BCAR3: variants seen among roughly 807,000 people sequenced by gnomAD.
BCAR3 encodes breast cancer anti-estrogen resistance protein 3.
A neutral mutation model predicts 80.1 loss-of-function variants in BCAR3; 37 were observed. That is an observed-to-expected ratio of 0.46 (90% CI 0.36 to 0.61). BCAR3 has a LOEUF of 0.61. BCAR3 is among the 20% of genes least tolerant of loss of function. The pLI is 0.00. For synonymous variants in BCAR3, 389 were observed against 418.9 expected (o/e 0.93, Z 0.87); for missense variants, 978 against 1,068.2 (o/e 0.92, Z 1.18).
chr1:93,809,926 T>C (rs933281937), intron 2 of BCAR3, among the ~76,000 whole-genome samples: 7 of 151,764 alleles, frequency 4.6e-5, no homozygotes, highest in Non-Finnish European at 8.8e-5. Flanking sequence ...GCTGGCCCGA[T>C]GCGGTGGCTC....
intron 2 of BCAR3, among the ~76,000 whole-genome samples, chr1:93,722,419 AGC>A (rs1246794422): frequency 1.3e-5 from 2 of 152,224 alleles, no homozygotes; most frequent in Non-Finnish European, 2.9e-5. Context: ...AGATAGCCAC[AGC>A]TGACCCGCCA....
chr1:93,648,432 G>A (rs887488914), intron 2 of BCAR3, among the ~76,000 whole-genome samples: 1 of 152,164 alleles, frequency 6.6e-6, no homozygotes, highest in Non-Finnish European at 1.5e-5. Context: ...CTTCAACGAG[G>A]TTTGACTGAA....
intron 2 of BCAR3, among the ~76,000 whole-genome samples, chr1:93,643,805 G>A (rs939833984): frequency 2.0e-5 from 3 of 152,068 alleles, no homozygotes; most frequent in Non-Finnish European, 4.4e-5. Flanking sequence ...AAACAAAAAA[G>A]TGGATAACTA....
intron 2 of BCAR3, among the ~76,000 whole-genome samples, chr1:93,802,734 CA>C (rs1653525774): frequency 6.6e-6 from 1 of 152,222 alleles, no homozygotes; most frequent in African/African-American, 2.4e-5. Context: ...GTGGAAACTT[CA>C]GACAATTTTT....
rs76733936 is a variant in BCAR3, at chr1:93,672,490, G to C, written c.317+2124C>G. ...ATGAAAAGCGGTCCACCATAAGCCA[G>C]CTAACAGTTGGTTCTGACTCCGTAT... is the stretch of plus-strand genomic sequence containing the variant. On this transcript the variant is annotated intron_variant, in intron 2 of 11. Transcript: ENST00000260502. 1.3e-3 allele frequency among the ~76,000 whole-genome samples: 198 copies of C among 152,304 alleles called. 4 individuals carry two copies. In the East Asian group the frequency reaches 0.033, roughly 25 times the overall value.
intron 9 of BCAR3, among the ~76,000 whole-genome samples, chr1:93,570,343 G>C (rs1014667223): frequency 6.6e-6 from 1 of 152,162 alleles, no homozygotes; most frequent in Non-Finnish European, 1.5e-5. Context: ...CAGCCAAGCC[G>C]AGTGACCAGC....
chr1:93,604,740 A>C (rs139668224), intron 3 of BCAR3, among the ~76,000 whole-genome samples: 50 of 152,352 alleles, frequency 3.3e-4, no homozygotes, highest in African/African-American at 1.2e-3. Flanking sequence ...CAAGGGACTG[A>C]AAATTATTTC....
intron 2 of BCAR3, among the ~76,000 whole-genome samples, chr1:93,774,022 T>C (rs138493496): frequency 1.5e-3 from 234 of 152,340 alleles, no homozygotes; most frequent in African/African-American, 5.3e-3. Context: ...TCAAGAACTT[T>C]GTTGGTCCCT....
chr1:93,718,734 AC>A (rs10717333), intron 2 of BCAR3, among the ~76,000 whole-genome samples: 63,628 of 121,108 alleles, frequency 0.53, 15,075 homozygotes, highest in Middle Eastern at 0.61. Flanking sequence ...TGGCTCTGTT[AC>A]CCCATGCTGG....
rs760789142 is a variant in BCAR3 at position 93,571,889 on chromosome 1, G to T, written c.1803-48C>A. ...TCAGGTTCAGGGCCAATGGGACTAG[G>T]AGAAAACTAAACCAAATCAGCCAAG... On this transcript the variant is annotated intron_variant, in intron 8 of 11. Transcript: ENST00000260502. 4.5e-6 allele frequency: 7 copies of T among 1,566,664 alleles called. No homozygotes were observed. The East Asian group carries it at 1.6e-4, about 35-fold the overall frequency.
intron 7 of BCAR3, among the ~76,000 whole-genome samples, chr1:93,578,224 C>T (rs1177826957): frequency 1.3e-5 from 2 of 152,134 alleles, no homozygotes; most frequent in South Asian, 2.1e-4. Context: ...GATGGGGTCC[C>T]GGCCCAGCCC....
At chr1:93,622,354 C>T (rs1222698136) in intron 3 of BCAR3, among the ~76,000 whole-genome samples, 1 of 152,220 alleles carries the variant, frequency 6.6e-6, no homozygotes, top group Non-Finnish European at 1.5e-5. Context: ...CTGGCTCTAT[C>T]TGGTGTGATG....
At chr1:93,812,425 A>T (rs747073038) in intron 2 of BCAR3, among the ~76,000 whole-genome samples, 12 of 152,106 alleles carry the variant, frequency 7.9e-5, no homozygotes, top group Non-Finnish European at 1.8e-4. Context: ...TCTCCACCAT[A>T]GGCTCTGCAC....
chr1:93,623,268 C>T (rs910689448), intron 3 of BCAR3, among the ~76,000 whole-genome samples: 2 of 151,732 alleles, frequency 1.3e-5, no homozygotes, highest in Non-Finnish European at 2.9e-5. Flanking sequence ...AGAAATATAG[C>T]AGAATATACT....
intron 2 of BCAR3, among the ~76,000 whole-genome samples, chr1:93,780,186 C>A (rs1652719414): frequency 6.6e-6 from 1 of 152,214 alleles, no homozygotes; most frequent in Non-Finnish European, 1.5e-5. Flanking sequence ...TTTCCCACAT[C>A]CTGTGGGGAC....
chr1:93,673,005 T>C (rs1484157039), intron 2 of BCAR3, among the ~76,000 whole-genome samples: 1 of 152,138 alleles, frequency 6.6e-6, no homozygotes, highest in Admixed American at 6.5e-5. Context: ...TGCTCCCATC[T>C]CCAGTTCTCT....
chr1:93,634,449 T>G (rs1239343102), intron 3 of BCAR3, among the ~76,000 whole-genome samples: 1 of 152,094 alleles, frequency 6.6e-6, no homozygotes, highest in African/African-American at 2.4e-5. Flanking sequence ...CCCAGCACTT[T>G]GGGAGGTCGA....
intron 2 of BCAR3, among the ~76,000 whole-genome samples, chr1:93,707,482 G>A (rs1649865537): frequency 6.6e-6 from 1 of 151,986 alleles, no homozygotes; most frequent in Non-Finnish European, 1.5e-5. Flanking sequence ...GGCCAAGGTG[G>A]GCAGATCACT....
intron 3 of BCAR3, among the ~76,000 whole-genome samples, chr1:93,689,677 G>C (rs1414554637): frequency 1.3e-5 from 2 of 152,136 alleles, no homozygotes; most frequent in Non-Finnish European, 2.9e-5. Flanking sequence ...ACCTAGTGGC[G>C]ATGGCCACCT....
Sources: gnomAD v4.1 joint callset for allele counts (sites outside exome capture counted in the v4.1 genomes callset) on GRCh38, gnomAD v4.1.1 for gene constraint, MANE v1.5 for transcripts, NCBI Gene and HGNC (gene_info 2026-07-23, HGNC 2026-07-21) for gene names.